Variants in CNTN4 observed in about 807,000 individuals in gnomAD.
CNTN4 encodes contactin 4, also known as contactin-4.
In CNTN4, 77 loss-of-function variants were observed where a neutral mutation model predicts 122.5. The observed-to-expected ratio is 0.63, with a 90% confidence interval of 0.52 to 0.76. The LOEUF (loss-of-function observed/expected upper bound fraction) is 0.76, where lower values mean the gene tolerates loss of function less well. CNTN4 is among the 30% of genes least tolerant of loss of function. The pLI is 0.00. For synonymous variants in CNTN4, 512 were observed against 447.0 expected, an observed-to-expected ratio of 1.15 and a Z score of -1.83; for missense variants, 1,256 against 1,259.1, an observed-to-expected ratio of 1.00 and a Z score of 0.04.
At chr3:2,248,824 A>T (rs1206470307) in intron 2 of CNTN4, among the ~76,000 whole-genome samples, 1 of 151,978 alleles carries the variant, frequency 6.6e-6, no homozygotes, top group Non-Finnish European at 1.5e-5. Context: ...TAGATTGTTT[A>T]TATTCGTGTG....
intron 3 of CNTN4, among the ~76,000 whole-genome samples, chr3:2,473,876 G>A (rs1037565415): frequency 3.3e-5 from 5 of 152,118 alleles, no homozygotes; most frequent in Non-Finnish European, 7.4e-5. Context: ...GCCAGGTGTG[G>A]TGGTGCATGC....
rs145207069 is a variant in CNTN4 at position 2,267,849 on chromosome 3, C to T, written c.-144-71329C>T. On this transcript the variant is annotated intron_variant, in intron 2 of 24. Coordinates refer to ENST00000418658, the MANE Select transcript of CNTN4 (RefSeq NM_175607.3). Reference sequence around the variant, plus strand: ...TTCTATCTTTTCATCATATATATAACAGGCTTTTCATCTTATATGTAACAG... The same window carrying T: ...TTCTATCTTTTCATCATATATATAATAGGCTTTTCATCTTATATGTAACAG... 6.1e-4 allele frequency among the ~76,000 whole-genome samples: 93 copies of T among 151,862 alleles called. 1 individual carries two copies. The highest frequency in any genetic ancestry group is 7.9e-4 in the Non-Finnish European group (54 of 67,940).
intron 13 of CNTN4, among the ~76,000 whole-genome samples, chr3:2,968,925 C>G (rs1049135473): frequency 6.6e-6 from 1 of 152,212 alleles, no homozygotes; most frequent in Non-Finnish European, 1.5e-5. Flanking sequence ...TTGCAAATGA[C>G]TGAAATCCAA....
chr3:2,921,046 CTTG>C (rs1190616825), intron 12 of CNTN4, among the ~76,000 whole-genome samples: 1 of 152,126 alleles, frequency 6.6e-6, no homozygotes, highest in Non-Finnish European at 1.5e-5. Flanking sequence ...AGAGCACTGA[CTTG>C]TTTTTTAAAA....
At chr3:2,344,798 C>T (rs1685493) in intron 3 of CNTN4, among the ~76,000 whole-genome samples, 138,127 of 152,226 alleles carry the variant, frequency 0.91, 63,142 homozygotes, top group East Asian at 1. Context: ...CCCTCCATAA[C>T]TGATACTTTT....
intron 3 of CNTN4, among the ~76,000 whole-genome samples, chr3:2,474,934 T>A (rs953154676): frequency 6.6e-6 from 1 of 152,214 alleles, no homozygotes; most frequent in Admixed American, 6.5e-5. Flanking sequence ...ACTCTCTGAT[T>A]ACCTTTTAGA....
chr3:2,134,044 C>A (rs2034572879), intron 2 of CNTN4, among the ~76,000 whole-genome samples: 1 of 151,962 alleles, frequency 6.6e-6, no homozygotes, highest in African/African-American at 2.4e-5. Flanking sequence ...CTGAAAAAAC[C>A]AGCCCATTTC....
chr3:2,304,330 T>A (rs1319636589), intron 2 of CNTN4, among the ~76,000 whole-genome samples: 1 of 152,188 alleles, frequency 6.6e-6, no homozygotes, highest in Non-Finnish European at 1.5e-5. Context: ...TAAGGTATAT[T>A]TGTATACTTA....
At chr3:2,455,770 T>C (rs1438700035) in intron 3 of CNTN4, among the ~76,000 whole-genome samples, 2 of 152,054 alleles carry the variant, frequency 1.3e-5, no homozygotes, top group African/African-American at 4.8e-5. Flanking sequence ...AACATTATTG[T>C]GTAGTCCCTG....
intron 3 of CNTN4, among the ~76,000 whole-genome samples, chr3:2,486,650 A>T (rs2076171266): frequency 6.6e-6 from 1 of 152,188 alleles, no homozygotes. Flanking sequence ...TTTATACCTG[A>T]CAAGTATTTG....
chr3:2,791,353 G>A (rs1164580595), intron 6 of CNTN4, among the ~76,000 whole-genome samples: 4 of 151,926 alleles, frequency 2.6e-5, no homozygotes, highest in Admixed American at 2.0e-4. Flanking sequence ...GCAACATGGC[G>A]AAACCCTGTC....
chr3:2,283,831 G>T (rs1490615465), intron 2 of CNTN4, among the ~76,000 whole-genome samples: 5 of 152,006 alleles, frequency 3.3e-5, no homozygotes, highest in Non-Finnish European at 7.4e-5. Flanking sequence ...TCCAACTTCT[G>T]CATTTCTCTT....
At chr3:2,197,032 C>T (rs976171807) in intron 2 of CNTN4, among the ~76,000 whole-genome samples, 5 of 125,078 alleles carry the variant, frequency 4.0e-5, no homozygotes, top group Non-Finnish European at 7.9e-5. Context: ...GCAACAAGAG[C>T]GAAACTCGGT....
At chr3:3,033,965 A>T (rs1232734452) in intron 16 of CNTN4, among the ~76,000 whole-genome samples, 1 of 152,226 alleles carries the variant, frequency 6.6e-6, no homozygotes, top group Non-Finnish European at 1.5e-5. Context: ...TTTAGTATCT[A>T]GCCTAATTTT....
chr3:2,460,916 T>C (rs1195385441), intron 3 of CNTN4, among the ~76,000 whole-genome samples: 1 of 152,074 alleles, frequency 6.6e-6, no homozygotes, highest in Non-Finnish European at 1.5e-5. Context: ...TAGCTTCCAG[T>C]TATGGAAGAC....
chr3:2,933,397 G>A (rs1450031345), intron 13 of CNTN4, among the ~76,000 whole-genome samples: 1 of 152,112 alleles, frequency 6.6e-6, no homozygotes, highest in East Asian at 1.9e-4. Context: ...CATTTGTGAC[G>A]CAGGCCATCT....
intron 2 of CNTN4, among the ~76,000 whole-genome samples, chr3:2,116,349 G>A (rs1294462245): frequency 6.6e-6 from 1 of 152,132 alleles, no homozygotes; most frequent in Admixed American, 6.5e-5. Flanking sequence ...CTTGGAAGTG[G>A]AGGAGGGGAG....
intron 2 of CNTN4, among the ~76,000 whole-genome samples, chr3:2,184,426 T>G (rs957159810): frequency 1.3e-4 from 20 of 152,134 alleles, no homozygotes; most frequent in African/African-American, 4.1e-4. Context: ...TAGACACTTG[T>G]TGGTGGAACC....
At chr3:2,470,837 A>G (rs958177879) in intron 3 of CNTN4, among the ~76,000 whole-genome samples, 9 of 152,202 alleles carry the variant, frequency 5.9e-5, no homozygotes, top group East Asian at 1.9e-4. Flanking sequence ...AATAAATCCA[A>G]TGGTCAATCA....
Sources: gnomAD v4.1 joint callset for allele counts (sites outside exome capture counted in the v4.1 genomes callset) on GRCh38, gnomAD v4.1.1 for gene constraint, MANE v1.5 for transcripts, NCBI Gene and HGNC (gene_info 2026-07-23, HGNC 2026-07-21) for gene names.